Variants in CPPED1 observed in about 807,000 individuals in gnomAD.
CPPED1 encodes calcineurin like phosphoesterase domain containing 1, also known as serine/threonine-protein phosphatase CPPED1.
A neutral mutation model predicts 28.0 loss-of-function variants in CPPED1; 28 were observed. The observed-to-expected ratio is 1.00, with a 90% confidence interval of 0.74 to 1.37. CPPED1 has a LOEUF of 1.37. Among genes scored for constraint, CPPED1 ranks in the 40% most tolerant of loss-of-function variants. The probability of loss-of-function intolerance (pLI) is 0.00; values close to 1 mark genes in which losing one functional copy is unlikely to be tolerated. For synonymous variants in CPPED1, 198 were observed against 180.2 expected, an observed-to-expected ratio of 1.10 and a Z score of -0.79; for missense variants, 504 against 416.5, an observed-to-expected ratio of 1.21 and a Z score of -1.83.
At chr16:12,719,091 C>T (rs1303354042) in intron 2 of CPPED1, among the ~76,000 whole-genome samples, 1 of 151,916 alleles carries the variant, frequency 6.6e-6, no homozygotes, top group East Asian at 2.0e-4. Flanking sequence ...GGGAAAAACC[C>T]CTTATAAAAC....
At chr16:12,683,810 A>G (rs2079918557) in intron 3 of CPPED1, among the ~76,000 whole-genome samples, 1 of 152,182 alleles carries the variant, frequency 6.6e-6, no homozygotes, top group African/African-American at 2.4e-5. Context: ...TAAAGGCTGT[A>G]TTTGTGCTTA....
intron 1 of CPPED1, among the ~76,000 whole-genome samples, chr16:12,786,419 G>C (rs1230478715): frequency 6.6e-6 from 1 of 151,892 alleles, no homozygotes; most frequent in African/African-American, 2.4e-5. Flanking sequence ...CACTTCAGAG[G>C]GGCTTTGTTC....
At chr16:12,691,730 C>T (rs1014072311) in intron 3 of CPPED1, among the ~76,000 whole-genome samples, 25 of 146,808 alleles carry the variant, frequency 1.7e-4, no homozygotes, top group African/African-American at 5.8e-4. Context: ...CCAAACACCG[C>T]ATGTTCTCAC....
At chr16:12,762,082 T>C (rs1030980814) in intron 2 of CPPED1, among the ~76,000 whole-genome samples, 3 of 151,144 alleles carry the variant, frequency 2.0e-5, no homozygotes, top group South Asian at 2.1e-4. Context: ...ATGGGAACAA[T>C]GGAAAGAAGA....
chr16:12,699,423 T>C (rs188772450), intron 3 of CPPED1, among the ~76,000 whole-genome samples: 57 of 152,112 alleles, frequency 3.7e-4, no homozygotes, highest in African/African-American at 1.3e-3. Context: ...AGGCTTCGAT[T>C]CACACAGCAC....
chr16:12,731,610 G>C (rs1042092872), intron 2 of CPPED1, among the ~76,000 whole-genome samples: 7 of 151,840 alleles, frequency 4.6e-5, no homozygotes, highest in African/African-American at 1.7e-4. Context: ...ACAACCAAAA[G>C]CCACCGATAA....
At chr16:12,707,511 C>T (rs1245788956) in intron 2 of CPPED1, among the ~76,000 whole-genome samples, 2 of 152,132 alleles carry the variant, frequency 1.3e-5, no homozygotes, top group Non-Finnish European at 2.9e-5. Flanking sequence ...AGGATGAGGA[C>T]TTTATAATAC....
At chr16:12,746,556 G>T (rs779777435) in intron 2 of CPPED1, among the ~76,000 whole-genome samples, 4 of 152,088 alleles carry the variant, frequency 2.6e-5, no homozygotes, top group Non-Finnish European at 4.4e-5. Context: ...TGCGGCTCTG[G>T]ATCTAGACAA....
intron 2 of CPPED1, among the ~76,000 whole-genome samples, chr16:12,730,042 T>C (rs149411208): frequency 1.1e-3 from 162 of 152,244 alleles, no homozygotes; most frequent in Middle Eastern, 3.4e-3. Flanking sequence ...TCAAATTTTG[T>C]GTAGAGATGG....
chr16:12,676,229 G>C (rs956848197), intron 3 of CPPED1, among the ~76,000 whole-genome samples: 4 of 152,182 alleles, frequency 2.6e-5, no homozygotes, highest in African/African-American at 9.7e-5. Flanking sequence ...TGCTTCTTCA[G>C]TTAGCTTGAG....
chr16:12,662,699 A>G lies in CPPED1; in HGVS notation c.*2187T>C, dbSNP rs2079802217. The G allele has an allele frequency of 6.6e-6, 1 of 152,240 alleles. No homozygotes were observed. Among genetic ancestry groups the G allele is most frequent in the Non-Finnish European group, 1.5e-5 (1 of 68,024 alleles). The allele number at this position is 152,240 out of a possible 1,614,324, so 9.4% of individuals were successfully genotyped here. On this transcript the variant is annotated 3_prime_UTR_variant, in exon 4 of 4. Coordinates refer to ENST00000381774, the MANE Select transcript of CPPED1 (RefSeq NM_018340.3). ...CTCCAGTTCCATCCAGGTTGCTGCA[A>G]AAGACATGGTTTCATTCTTTTTAGT...
In CPPED1 at chr16:12,670,889, C is replaced by T. The variant is rs974226727; in HGVS notation, c.716-5774G>A. Among the ~76,000 whole-genome samples, 3 of 152,042 alleles carry T rather than the reference C, an allele frequency of 2.0e-5. No individual in the cohort carries two copies. Among genetic ancestry groups the T allele is most frequent in the Admixed American group, 6.6e-5 (1 of 15,252 alleles). Reference sequence around the variant, plus strand: ...TTTTTGAGGTGGAGTCTCACTGTGACGCCCATGCTGAAGTACAGTGGTGCG... The same window carrying T: ...TTTTTGAGGTGGAGTCTCACTGTGATGCCCATGCTGAAGTACAGTGGTGCG... On this transcript the variant is annotated intron_variant, in intron 3 of 3. Transcript: ENST00000381774. This position sits in a 1 kb window ranked among gnomAD's most constrained non-coding sequence, Gnocchi z 4.2.
intron 3 of CPPED1, among the ~76,000 whole-genome samples, chr16:12,680,550 T>A (rs2079899244): frequency 6.6e-6 from 1 of 152,150 alleles, no homozygotes; most frequent in South Asian, 2.1e-4. Flanking sequence ...CTACAGCTTC[T>A]CAGAGAGCAT....
chr16:12,755,742 T>C (rs1303576897), intron 2 of CPPED1, among the ~76,000 whole-genome samples: 2 of 152,194 alleles, frequency 1.3e-5, no homozygotes, highest in East Asian at 1.9e-4. Flanking sequence ...ATTTAGAAGA[T>C]ATGTTTGGGA....
intron 1 of CPPED1, among the ~76,000 whole-genome samples, chr16:12,800,943 G>C (rs1417467004): frequency 1.3e-5 from 2 of 152,104 alleles, no homozygotes; most frequent in Non-Finnish European, 2.9e-5. Context: ...CAGTAGCCAA[G>C]CATTATTTTT....
In CPPED1 at chr16:12,783,900, T is replaced by C. The variant is rs148938477; in HGVS notation, c.71-2497A>G. The stretch of plus-strand genomic sequence containing the variant: ...TGCATCTCATGGAGAAAGACAGCAA[T>C]ATGGCACATCCAGCAGGGACTGAGG... On this transcript the variant is annotated intron_variant, in intron 1 of 3. Transcript: ENST00000381774. Among the ~76,000 whole-genome samples, 569 of 152,222 alleles carry C rather than the reference T, an allele frequency of 3.7e-3. 8 individuals are homozygous for C. Among genetic ancestry groups the C allele is most frequent in the African/African-American group, 0.013 (553 of 41,538 alleles).
chr16:12,722,990 CT>C (rs1052603770), intron 2 of CPPED1, among the ~76,000 whole-genome samples: 8 of 152,174 alleles, frequency 5.3e-5, no homozygotes, highest in African/African-American at 1.9e-4. Flanking sequence ...CTCCTCACCC[CT>C]ATTTCAGGAG....
chr16:12,773,246 C>T (rs866417283), intron 2 of CPPED1, among the ~76,000 whole-genome samples: 30 of 152,274 alleles, frequency 2.0e-4, no homozygotes, highest in Admixed American at 1.3e-4. Context: ...AAGAGGTCAT[C>T]CTGCGTTATT....
intron 3 of CPPED1, among the ~76,000 whole-genome samples, chr16:12,669,844 T>C (rs895433294): frequency 2.6e-5 from 4 of 152,188 alleles, no homozygotes; most frequent in African/African-American, 9.7e-5. Flanking sequence ...GAACATCTTG[T>C]GTTGCCAGAA....
Sources: allele counts gnomAD v4.1 joint callset (sites outside exome capture counted in the v4.1 genomes callset), GRCh38; gene constraint gnomAD v4.1.1; non-coding constraint Gnocchi (gnomAD v3.1); transcripts MANE v1.5; gene names NCBI Gene and HGNC (gene_info 2026-07-23, HGNC 2026-07-21).